NRXN3: variants seen among roughly 807,000 people sequenced by gnomAD.
The protein encoded by NRXN3 is neurexin 3.
NRXN3 carries 32 observed loss-of-function variants against 137.6 expected under a neutral mutation model. The observed-to-expected ratio is 0.23, with a 90% CI of 0.18 to 0.31. NRXN3 has a LOEUF of 0.31. NRXN3 is among the 10% of genes least tolerant of loss of function. NRXN3 has a pLI of 1.00. For missense variants in NRXN3, 1,574 were observed against 2,062.5 expected (o/e 0.76, Z 4.59); for synonymous variants, 798 against 784.5 (o/e 1.02, Z -0.29).
At chr14:79,815,569 C>A (rs558356161) in intron 20 of NRXN3, among the ~76,000 whole-genome samples, 2 of 151,042 alleles carry the variant, frequency 1.3e-5, no homozygotes, top group African/African-American at 2.4e-5. Flanking sequence ...ACAAGAAAGG[C>A]GAAGAAAGAG....
chr14:78,500,158 A>G (rs2153772829), intron 4 of NRXN3, among the ~76,000 whole-genome samples: 1 of 152,206 alleles, frequency 6.6e-6, no homozygotes, highest in African/African-American at 2.4e-5. Context: ...CAGAGAATTC[A>G]ATTTATTAGA....
intron 4 of NRXN3, among the ~76,000 whole-genome samples, chr14:78,637,270 A>G (rs180714929): frequency 2.0e-5 from 3 of 152,324 alleles, no homozygotes. Context: ...ACCAATGGAT[A>G]TGCTGTTTCT....
intron 10 of NRXN3, among the ~76,000 whole-genome samples, chr14:78,895,385 T>C (rs2099170490): frequency 6.6e-6 from 1 of 151,850 alleles, no homozygotes; most frequent in South Asian, 2.1e-4. Flanking sequence ...AGCTTTAAAC[T>C]TTTTTCTGCA....
chr14:78,756,313 C>A (rs1016494354), intron 8 of NRXN3, among the ~76,000 whole-genome samples: 3 of 152,022 alleles, frequency 2.0e-5, no homozygotes, highest in Non-Finnish European at 1.5e-5. Flanking sequence ...CGTGGCAAAA[C>A]CCTATCTCTA....
intron 15 of NRXN3, among the ~76,000 whole-genome samples, chr14:79,426,265 G>A (rs747691790): frequency 6.6e-6 from 1 of 152,168 alleles, no homozygotes; most frequent in Non-Finnish European, 1.5e-5. Flanking sequence ...AGCTATAGCA[G>A]CTTTCTCCCT....
At chr14:79,092,400 C>T (rs555050339) in intron 15 of NRXN3, among the ~76,000 whole-genome samples, 2 of 152,230 alleles carry the variant, frequency 1.3e-5, no homozygotes, top group African/African-American at 2.4e-5. Flanking sequence ...CAACCTTAGT[C>T]GCCTCTCAAG....
chr14:78,316,995 A>T (rs965144987), intron 4 of NRXN3, among the ~76,000 whole-genome samples: 2 of 152,156 alleles, frequency 1.3e-5, no homozygotes, highest in Non-Finnish European at 2.9e-5. Context: ...TATGCACATG[A>T]TGATTGTTAT....
chr14:78,723,255 A>G (rs536163761), intron 8 of NRXN3, among the ~76,000 whole-genome samples: 1 of 152,238 alleles, frequency 6.6e-6, no homozygotes, highest in Non-Finnish European at 1.5e-5. Context: ...TCCAGTTTGC[A>G]TTGGTATTAA....
At chr14:79,553,717 G>A (rs575603176) in intron 16 of NRXN3, among the ~76,000 whole-genome samples, 2 of 152,286 alleles carry the variant, frequency 1.3e-5, no homozygotes, top group South Asian at 4.1e-4. Context: ...AAGCCACAGG[G>A]TAGTGGCAGA....
At chr14:79,284,370 ATATATATATATATATG>A (rs1224669568) in intron 15 of NRXN3, among the ~76,000 whole-genome samples, 1 of 119,640 alleles carries the variant, frequency 8.4e-6, no homozygotes, top group Non-Finnish European at 1.7e-5. Context: ...ATATATATAT[ATATATATATATATATG>A]TATCTCCAAT....
intron 15 of NRXN3, among the ~76,000 whole-genome samples, chr14:79,300,856 A>C (rs1387539436): frequency 6.6e-6 from 1 of 152,028 alleles, no homozygotes; most frequent in Non-Finnish European, 1.5e-5. Flanking sequence ...ATTTACCATA[A>C]AGTGATAACT....
At chr14:79,094,167 G>A (rs903643849) in intron 15 of NRXN3, among the ~76,000 whole-genome samples, 1 of 152,160 alleles carries the variant, frequency 6.6e-6, no homozygotes, top group East Asian at 1.9e-4. Context: ...GGGAGAAATG[G>A]TTAGAAGGGG....
intron 15 of NRXN3, among the ~76,000 whole-genome samples, chr14:79,245,601 G>A (rs1197029174): frequency 2.6e-5 from 4 of 152,088 alleles, no homozygotes; most frequent in Non-Finnish European, 4.4e-5. Context: ...ATGACTAAAC[G>A]AGGTGATTTC....
intron 15 of NRXN3, among the ~76,000 whole-genome samples, chr14:79,062,456 G>A (rs1053388585): frequency 2.6e-5 from 4 of 152,078 alleles, no homozygotes; most frequent in South Asian, 2.1e-4. Context: ...AAGTTTCCAG[G>A]AATGTCCTTA....
At chr14:79,853,937 C>T in intron 20 of NRXN3, 1 of 990,484 alleles carries the variant, frequency 1.0e-6, no homozygotes, top group Middle Eastern at 5.2e-4. Flanking sequence ...TTGATGCCCT[C>T]CCAAACCCCC....
rs59895317 is a variant in NRXN3 at position 79,638,707 on chromosome 14, A to G, written c.3445-25071A>G. On this transcript the variant is annotated intron_variant, in intron 16 of 20. Coordinates refer to ENST00000335750, the MANE Select transcript of NRXN3 (RefSeq NM_001330195.2). ...GGACCACATATCAATGACTCTTAAAATCACTGTTGTGCAAGGTGAGTGGGA... is the reference window on the plus strand; with the variant it reads ...GGACCACATATCAATGACTCTTAAAGTCACTGTTGTGCAAGGTGAGTGGGA... Among the ~76,000 whole-genome samples the G allele has an allele frequency of 7.7e-3, 1,167 of 152,332 alleles. 11 individuals carry two copies. The highest frequency in any genetic ancestry group is 0.027 in the African/African-American group (1,130 of 41,564).
chr14:79,102,481 C>T (rs1285350203), intron 15 of NRXN3, among the ~76,000 whole-genome samples: 1 of 152,148 alleles, frequency 6.6e-6, no homozygotes, highest in Non-Finnish European at 1.5e-5. Context: ...TCTTAGAACA[C>T]AGGCTTTTCA....
chr14:78,972,069 A>G (rs1175320402), intron 14 of NRXN3, among the ~76,000 whole-genome samples: 1 of 152,194 alleles, frequency 6.6e-6, no homozygotes, highest in African/African-American at 2.4e-5. Flanking sequence ...CCTAGTCAAC[A>G]TTTAGTTGTA....
intron 15 of NRXN3, among the ~76,000 whole-genome samples, chr14:79,449,716 G>T (rs985737742): frequency 1.3e-5 from 2 of 152,140 alleles, no homozygotes; most frequent in Non-Finnish European, 2.9e-5. Context: ...TCGGCCAGGC[G>T]CAGTGGCTCA....
Sources: gnomAD v4.1 joint callset for allele counts (sites outside exome capture counted in the v4.1 genomes callset) on GRCh38, gnomAD v4.1.1 for gene constraint, MANE v1.5 for transcripts, NCBI Gene and HGNC (gene_info 2026-07-23, HGNC 2026-07-21) for gene names.